The following CR1 variants were observed in gnomAD, a reference collection of about 807,000 sequenced individuals.
CR1 encodes the protein complement C3b/C4b receptor 1 (Knops blood group).
CR1 carries 116 observed loss-of-function variants against 187.3 expected under a neutral mutation model. The observed-to-expected ratio is 0.62, with a 90% CI of 0.53 to 0.72. CR1 has a LOEUF of 0.72. CR1 is among the 30% of genes least tolerant of loss of function. The pLI, the probability that CR1 is intolerant of heterozygous loss-of-function variation, is 0.00. For missense variants in CR1, 1,731 were observed against 2,110.7 expected, an observed-to-expected ratio of 0.82 and a Z score of 3.52; for synonymous variants, 576 against 747.1, an observed-to-expected ratio of 0.77 and a Z score of 3.73.
intron 35 of CR1, among the ~76,000 whole-genome samples, chr1:207,594,089 A>C (rs973461141): frequency 1.3e-5 from 2 of 152,192 alleles, no homozygotes; most frequent in Non-Finnish European, 2.9e-5. Flanking sequence ...TTGACCCAGC[A>C]ATCCCATTAC....
intron 5 of CR1, among the ~76,000 whole-genome samples, chr1:207,525,053 G>T (rs1363830563): frequency 1.3e-5 from 2 of 151,958 alleles, no homozygotes; most frequent in Admixed American, 1.3e-4. Flanking sequence ...TCATATGCTT[G>T]GCAGGAGAGA....
At chr1:207,625,759 G>T (rs960529558) in intron 45 of CR1, among the ~76,000 whole-genome samples, 1 of 152,110 alleles carries the variant, frequency 6.6e-6, no homozygotes, top group Non-Finnish European at 1.5e-5. Context: ...TCCACCTCTG[G>T]TTGGGGGCCA....
At chr1:207,525,896 T>A (rs1660153266) in intron 5 of CR1, among the ~76,000 whole-genome samples, 1 of 152,026 alleles carries the variant, frequency 6.6e-6, no homozygotes, top group Non-Finnish European at 1.5e-5. Flanking sequence ...AATCCCCCAT[T>A]TGATGCTTGA....
At position 207,496,314 on chromosome 1, in the gene CR1, C is replaced by G. The variant is rs774774612; in HGVS notation, c.47C>G (p.Ala16Gly). The change falls in exon 1 of 47, where the codon GCG (alanine) becomes GGG (glycine). Residue 16 changes from alanine to glycine, a missense_variant. Physicochemically the swap from Ala to Gly is moderately conservative, Grantham distance 60. Around this residue, in one of 5 missense-constraint regions of CR1, gnomAD observed 237 missense variants for 240.4 expected, o/e 0.99. Coordinates refer to ENST00000367049, the MANE Select transcript of CR1 (RefSeq NM_000651.6). The stretch of plus-strand genomic sequence containing the variant: ...AGCCCGGAGCCTGTCGGGCCGCCGG[C>G]GCCCGGTCTCCCCTTCTGCTGCGGA... ...PRSPEPVGPPAPGLPFCCGGS... is the reference protein window; with the variant it reads ...PRSPEPVGPPGPGLPFCCGGS... 3 of 1,613,644 alleles carry G rather than the reference C, an allele frequency of 1.9e-6. No homozygotes were observed. The Admixed American group carries it at 5.0e-5, about 27-fold the overall frequency.
chr1:207,523,513 T>C, intron 4 of CR1, 98 bp from the exon 5 acceptor site: 2 of 1,552,094 alleles, frequency 1.3e-6, no homozygotes, highest in Non-Finnish European at 1.7e-6. Context: ...TAAAAGCAAA[T>C]AATGAATGTA....
chr1:207,498,504 C>A (rs1887633), intron 1 of CR1, among the ~76,000 whole-genome samples: 28,157 of 151,888 alleles, frequency 0.19, 3,730 homozygotes, highest in African/African-American at 0.37. Context: ...TAGGACAACC[C>A]CTGAAAAATG....
intron 33 of CR1, among the ~76,000 whole-genome samples, chr1:207,586,124 TTG>T (rs3219612): frequency 1.0e-4 from 15 of 150,136 alleles, no homozygotes; most frequent in African/African-American, 2.5e-4. Flanking sequence ...TTGTTTTGTT[TTG>T]TGTGTGTGTG....
intron 46 of CR1, among the ~76,000 whole-genome samples, chr1:207,634,671 C>T (rs1448109402): frequency 6.6e-6 from 1 of 152,046 alleles, no homozygotes; most frequent in Non-Finnish European, 1.5e-5. Context: ...GGAAGGACAC[C>T]ATTCCCGGCC....
chr1:207,501,262 G>A (rs1450117519), intron 1 of CR1, among the ~76,000 whole-genome samples: 2 of 152,224 alleles, frequency 1.3e-5, no homozygotes, highest in Non-Finnish European at 2.9e-5. Flanking sequence ...TTACAGAAGG[G>A]CATGAGGGAA....
intron 1 of CR1, among the ~76,000 whole-genome samples, chr1:207,502,396 T>C (rs1228933696): frequency 1.3e-5 from 2 of 152,054 alleles, no homozygotes; most frequent in African/African-American, 4.8e-5. Flanking sequence ...TCAGATGAGA[T>C]TGGGTGTGTT....
At chr1:207,637,779 T>C (rs1198240880) in intron 46 of CR1, among the ~76,000 whole-genome samples, 1 of 152,218 alleles carries the variant, frequency 6.6e-6, no homozygotes, top group Non-Finnish European at 1.5e-5. Context: ...ATGTGACTGG[T>C]GTTTCCATCT....
chr1:207,507,111 C>G (rs1475775945), intron 3 of CR1: 1 of 265,868 alleles, frequency 3.8e-6, no homozygotes, highest in East Asian at 9.4e-5. Context: ...ACAGCCTTAA[C>G]GCAGAGGGGA....
intron 32 of CR1, among the ~76,000 whole-genome samples, chr1:207,584,253 A>G (rs954332779): frequency 1.3e-5 from 2 of 152,202 alleles, no homozygotes; most frequent in East Asian, 1.9e-4. Context: ...GATGTCAAAG[A>G]TCATATTTAT....
chr1:207,592,516 G>A (rs1006808755), intron 35 of CR1, among the ~76,000 whole-genome samples: 1 of 152,104 alleles, frequency 6.6e-6, no homozygotes, highest in African/African-American at 2.4e-5. Flanking sequence ...CTGGAAGCAT[G>A]CGCTTTGAAA....
rs563830522 is a variant in CR1, at chr1:207,619,986, G to A, written c.7173G>A (p.Gly2391=). Residue 2391 remains glycine, a synonymous_variant, in exon 43 of 47, where the codon GGG becomes GGA. Transcript: ENST00000367049. ...ATGTGACTTTGAAGTGTGAAGATGG[G>A]TATACTCTGGAAGGCAGTCCCTGGA... ...GDYVTLKCED[G]YTLEGSPWSQ... is the part of the protein sequence containing the mutation. The A allele has an allele frequency of 6.8e-6, 11 of 1,613,788 alleles. No homozygotes were observed. In the South Asian group the frequency reaches 1.2e-4, roughly 18 times the overall value.
chr1:207,511,180 C>A (rs139005093), intron 3 of CR1, among the ~76,000 whole-genome samples: 205 of 152,194 alleles, frequency 1.3e-3, no homozygotes, highest in African/African-American at 4.6e-3. Context: ...ATCCATGCAT[C>A]CATACTTTTA....
intron 40 of CR1, 54 bp from the exon 41 acceptor site, chr1:207,616,521 C>A (rs1662100500): frequency 2.5e-6 from 4 of 1,572,218 alleles, no homozygotes; most frequent in African/African-American, 1.4e-5. Context: ...ACTATTGTTT[C>A]AGTCATCTTA....
chr1:207,587,627 G>A (rs1661152255), intron 34 of CR1, 62 bp downstream of exon 34: 2 of 1,512,228 alleles, frequency 1.3e-6, no homozygotes, highest in East Asian at 4.6e-5. Flanking sequence ...GACCGGGCTT[G>A]GTGGCTCACG....
chr1:207,633,863 TA>T (rs56335537), intron 46 of CR1, among the ~76,000 whole-genome samples: 3,248 of 152,052 alleles, frequency 0.021, 65 homozygotes, highest in Non-Finnish European at 0.029. Flanking sequence ...CGAAGGGAGA[TA>T]GGGGTGGGGC....
Sources: allele counts gnomAD v4.1 joint callset (sites outside exome capture counted in the v4.1 genomes callset), GRCh38; gene constraint gnomAD v4.1.1; regional missense constraint gnomAD v4.1.1; transcripts MANE v1.5; gene names NCBI Gene and HGNC (gene_info 2026-07-23, HGNC 2026-07-21).